The following AGBL4 variants were observed in gnomAD, a reference collection of about 807,000 sequenced individuals.
AGBL4 encodes the protein cytosolic carboxypeptidase 6.
In AGBL4, 58 loss-of-function variants were observed where a neutral mutation model predicts 66.4. The observed-to-expected ratio is 0.87, with a 90% CI of 0.71 to 1.09. AGBL4 has a LOEUF of 1.09. Among genes scored for constraint, AGBL4 ranks in the 50% least tolerant of loss-of-function variants. AGBL4 has a pLI of 0.00. For synonymous variants in AGBL4, 234 were observed against 222.9 expected (o/e 1.05, Z -0.44); for missense variants, 579 against 631.0 (o/e 0.92, Z 0.88).
chr1:49,270,816 T>A (rs1306965637), intron 3 of AGBL4, among the ~76,000 whole-genome samples: 1 of 152,296 alleles, frequency 6.6e-6, no homozygotes, highest in African/African-American at 2.4e-5. Flanking sequence ...CCTTTAAGTT[T>A]GACTCCTGAA....
intron 2 of AGBL4, among the ~76,000 whole-genome samples, chr1:49,741,990 C>G (rs1174876427): frequency 6.6e-6 from 1 of 152,114 alleles, no homozygotes; most frequent in Non-Finnish European, 1.5e-5. Context: ...AAAACTGGCA[C>G]AAGACAGGGA....
chr1:49,733,183 C>T (rs1353263832), intron 2 of AGBL4, among the ~76,000 whole-genome samples: 2 of 152,124 alleles, frequency 1.3e-5, no homozygotes, highest in Non-Finnish European at 2.9e-5. Context: ...TCTATAACCA[C>T]CCAACTATCC....
chr1:49,614,560 A>C (rs1645215679), intron 3 of AGBL4, among the ~76,000 whole-genome samples: 1 of 152,186 alleles, frequency 6.6e-6, no homozygotes, highest in Admixed American at 6.5e-5. Context: ...CGGGACTGAA[A>C]AACTGGCATT....
At chr1:49,710,722 T>C (rs545526791) in intron 2 of AGBL4, among the ~76,000 whole-genome samples, 4 of 151,928 alleles carry the variant, frequency 2.6e-5, no homozygotes, top group East Asian at 1.9e-4. Flanking sequence ...AAAAAACTAA[T>C]AAACTGAACT....
chr1:49,217,751 T>C (rs1460361520), intron 4 of AGBL4, among the ~76,000 whole-genome samples: 2 of 152,138 alleles, frequency 1.3e-5, no homozygotes, highest in East Asian at 1.9e-4. Flanking sequence ...TCAACATTGA[T>C]AGAATCTTTT....
At chr1:48,561,056 C>T (rs1644389854) in intron 11 of AGBL4, among the ~76,000 whole-genome samples, 1 of 152,224 alleles carries the variant, frequency 6.6e-6, no homozygotes, top group Non-Finnish European at 1.5e-5. Context: ...CATTATCATC[C>T]ATATCTTTGC....
intron 1 of AGBL4, among the ~76,000 whole-genome samples, chr1:49,868,458 T>A (rs1424254935): frequency 6.6e-6 from 1 of 151,830 alleles, no homozygotes; most frequent in East Asian, 1.9e-4. Context: ...AATTCACACA[T>A]CAACAACCAT....
At chr1:48,807,733 A>G (rs1421661124) in intron 6 of AGBL4, among the ~76,000 whole-genome samples, 1 of 152,160 alleles carries the variant, frequency 6.6e-6, no homozygotes, top group Non-Finnish European at 1.5e-5. Context: ...TCTTGCACAC[A>G]TCTGCATATC....
At chr1:49,347,112 A>G (rs931728416) in intron 3 of AGBL4, among the ~76,000 whole-genome samples, 1 of 152,206 alleles carries the variant, frequency 6.6e-6, no homozygotes, top group African/African-American at 2.4e-5. Context: ...ATCCTTTGTC[A>G]CAAGCCCTTG....
intron 3 of AGBL4, among the ~76,000 whole-genome samples, chr1:49,612,401 T>A (rs758796850): frequency 2.6e-5 from 4 of 152,138 alleles, no homozygotes; most frequent in Admixed American, 6.6e-5. Context: ...GAAAATAGTA[T>A]CACACAGTAG....
At chr1:49,288,202 T>C (rs1011411032) in intron 3 of AGBL4, among the ~76,000 whole-genome samples, 8 of 108,872 alleles carry the variant, frequency 7.3e-5, no homozygotes, top group Non-Finnish European at 1.2e-4. Flanking sequence ...TATCACACTC[T>C]GGGGACTGTG....
intron 1 of AGBL4, among the ~76,000 whole-genome samples, chr1:50,011,931 G>A (rs1004773355): frequency 1.3e-5 from 2 of 151,984 alleles, no homozygotes; most frequent in African/African-American, 2.4e-5. Flanking sequence ...AGGCCGAGGC[G>A]GGTGGATCAT....
intron 2 of AGBL4, among the ~76,000 whole-genome samples, chr1:49,823,598 C>G (rs941193238): frequency 2.0e-5 from 3 of 152,114 alleles, no homozygotes; most frequent in Non-Finnish European, 2.9e-5. Context: ...ATGTCCCAAG[C>G]TGCTGAAGAC....
chr1:48,670,787 G>A (rs1646264608), intron 6 of AGBL4, among the ~76,000 whole-genome samples: 1 of 152,224 alleles, frequency 6.6e-6, no homozygotes, highest in Non-Finnish European at 1.5e-5. Context: ...CAGAAAGGCA[G>A]AGCCAGAGCC....
chr1:49,690,936 T>G (rs1015517872), intron 3 of AGBL4, among the ~76,000 whole-genome samples: 4 of 152,148 alleles, frequency 2.6e-5, no homozygotes, highest in Non-Finnish European at 5.9e-5. Context: ...TTTCTCAAGG[T>G]CACAGAGGCA....
chr1:49,494,275 A>C (rs1170834335), intron 3 of AGBL4, among the ~76,000 whole-genome samples: 3 of 150,768 alleles, frequency 2.0e-5, no homozygotes, highest in African/African-American at 7.3e-5. Flanking sequence ...CTTTGCCTTG[A>C]GTTTTTTTTT....
intron 3 of AGBL4, among the ~76,000 whole-genome samples, chr1:49,296,168 A>G (rs1644639369): frequency 6.6e-6 from 1 of 152,230 alleles, no homozygotes; most frequent in Non-Finnish European, 1.5e-5. Flanking sequence ...ACTGTTAGGC[A>G]TTCTGGGTTT....
intron 6 of AGBL4, among the ~76,000 whole-genome samples, chr1:48,749,446 G>T (rs1422830929): frequency 6.6e-6 from 1 of 152,156 alleles, no homozygotes; most frequent in Non-Finnish European, 1.5e-5. Context: ...TATTATCTCT[G>T]TAAAGACTCA....
intron 3 of AGBL4, among the ~76,000 whole-genome samples, chr1:49,380,490 A>T (rs980734372): frequency 2.0e-5 from 3 of 152,078 alleles, no homozygotes; most frequent in Non-Finnish European, 2.9e-5. Flanking sequence ...ATTGGAAAAA[A>T]CTACTTTAAA....
Sources: allele counts gnomAD v4.1 joint callset (sites outside exome capture counted in the v4.1 genomes callset), GRCh38; gene constraint gnomAD v4.1.1; transcripts MANE v1.5; gene names NCBI Gene and HGNC (gene_info 2026-07-23, HGNC 2026-07-21).